Variants in SLC24A2 observed in about 807,000 individuals in gnomAD.
SLC24A2 encodes the protein sodium/potassium/calcium exchanger 2.
In SLC24A2, 36 loss-of-function variants were observed where a neutral mutation model predicts 62.0. The observed-to-expected ratio is 0.58, with a 90% confidence interval of 0.44 to 0.77. The LOEUF (loss-of-function observed/expected upper bound fraction) is 0.77. Among genes scored for constraint, SLC24A2 ranks in the 30% least tolerant of loss-of-function variants. The pLI is 0.00. For synonymous variants in SLC24A2, 358 were observed against 294.0 expected (o/e 1.22, Z -2.23); for missense variants, 846 against 817.9 (o/e 1.03, Z -0.42).
chr9:20,084,147 CACTT>C, the SLC24A2 span, among the ~76,000 whole-genome samples: 1 of 152,222 alleles, frequency 6.6e-6, no homozygotes, highest in Non-Finnish European at 1.5e-5. Flanking sequence ...GCCTGTAACT[CACTT>C]AAAGAAAATA....
chr9:19,844,863 C>G, the SLC24A2 span, among the ~76,000 whole-genome samples: 4 of 151,830 alleles, frequency 2.6e-5, no homozygotes, highest in African/African-American at 4.8e-5. Flanking sequence ...CTTTTCTGTT[C>G]CATTGGTCTA....
At chr9:19,997,813 AAATAGT>A in the SLC24A2 span, among the ~76,000 whole-genome samples, 2 of 152,200 alleles carry the variant, frequency 1.3e-5, no homozygotes, top group Admixed American at 6.5e-5. Flanking sequence ...GTATTTGGAT[AAATAGT>A]TAATTTGCCT....
intron 2 of SLC24A2, among the ~76,000 whole-genome samples, chr9:19,726,845 C>T (rs534693000): frequency 1.6e-4 from 25 of 152,326 alleles, no homozygotes; most frequent in African/African-American, 6.0e-4. Context: ...TTTTCTTTTA[C>T]ACCAACGGAG....
At chr9:19,562,261 CATCTT>C (rs752683923) in intron 7 of SLC24A2, among the ~76,000 whole-genome samples, 5 of 152,154 alleles carry the variant, frequency 3.3e-5, no homozygotes, top group African/African-American at 1.2e-4. Flanking sequence ...AAAATCATTT[CATCTT>C]ATCAACTGGA....
the SLC24A2 span, among the ~76,000 whole-genome samples, chr9:20,226,720 C>T: frequency 6.6e-6 from 1 of 152,048 alleles, no homozygotes; most frequent in East Asian, 1.9e-4. Context: ...CTAGTGGGCA[C>T]ATTCTTCCAT....
intron 2 of SLC24A2, among the ~76,000 whole-genome samples, chr9:19,660,616 T>C (rs1819067845): frequency 1.3e-5 from 2 of 152,210 alleles, no homozygotes; most frequent in Non-Finnish European, 2.9e-5. Flanking sequence ...CGTGCTTTCC[T>C]GTGCAGTAAC....
At chr9:20,285,113 T>G in the SLC24A2 span, among the ~76,000 whole-genome samples, 181 of 152,250 alleles carry the variant, frequency 1.2e-3, no homozygotes, top group South Asian at 0.012. Flanking sequence ...CACGTCATAT[T>G]CATGTGAGGA....
chr9:19,533,962 G>A (rs557125109), intron 8 of SLC24A2, among the ~76,000 whole-genome samples: 2 of 152,268 alleles, frequency 1.3e-5, no homozygotes, highest in East Asian at 3.9e-4. Flanking sequence ...AATAAACTGG[G>A]ACCGTCCTGG....
intron 9 of SLC24A2, among the ~76,000 whole-genome samples, chr9:19,523,401 A>T (rs1833289152): frequency 6.6e-6 from 1 of 152,198 alleles, no homozygotes; most frequent in South Asian, 2.1e-4. Flanking sequence ...GTGAGATGCA[A>T]ATCATACAGC....
At chr9:19,757,215 G>C (rs1377576361) in intron 2 of SLC24A2, among the ~76,000 whole-genome samples, 1 of 152,000 alleles carries the variant, frequency 6.6e-6, no homozygotes, top group Non-Finnish European at 1.5e-5. Flanking sequence ...CGTTTCATTT[G>C]TCTCTGTACC....
chr9:19,560,316 T>C (rs1835327772), intron 7 of SLC24A2, among the ~76,000 whole-genome samples: 1 of 114,270 alleles, frequency 8.8e-6, no homozygotes, highest in South Asian at 3.5e-4. Context: ...CCACCCCCAA[T>C]TCATATTCCC....
At chr9:20,231,137 C>G in the SLC24A2 span, among the ~76,000 whole-genome samples, 1 of 152,230 alleles carries the variant, frequency 6.6e-6, no homozygotes, top group South Asian at 2.1e-4. Context: ...GTTACTGTAG[C>G]CTTGTAGTAT....
the SLC24A2 span, among the ~76,000 whole-genome samples, chr9:19,986,651 G>A: frequency 1.3e-5 from 2 of 152,078 alleles, no homozygotes; most frequent in Non-Finnish European, 2.9e-5. Flanking sequence ...GTATGAAGGA[G>A]CCTAGAAAAC....
the SLC24A2 span, among the ~76,000 whole-genome samples, chr9:19,892,527 C>G: frequency 2.0e-5 from 3 of 152,178 alleles, no homozygotes; most frequent in African/African-American, 7.2e-5. Flanking sequence ...ATTCAACCAA[C>G]AAATGTAATT....
chr9:19,856,545 A>G, the SLC24A2 span, among the ~76,000 whole-genome samples: 2 of 151,984 alleles, frequency 1.3e-5, no homozygotes, highest in African/African-American at 4.8e-5. Flanking sequence ...ACCCTCTTCC[A>G]TAGGGTTTCT....
chr9:20,095,229 T>C, the SLC24A2 span, among the ~76,000 whole-genome samples: 2 of 152,232 alleles, frequency 1.3e-5, no homozygotes, highest in African/African-American at 2.4e-5. Flanking sequence ...ACACATATTT[T>C]CCTAAATTCT....
the SLC24A2 span, among the ~76,000 whole-genome samples, chr9:20,113,889 A>G: frequency 7.0e-4 from 107 of 152,326 alleles, 3 homozygotes; most frequent in South Asian, 0.011. Flanking sequence ...AGAAAAAAAT[A>G]TAAAACAATA....
chr9:20,270,557 G>C, the SLC24A2 span, among the ~76,000 whole-genome samples: 2 of 152,134 alleles, frequency 1.3e-5, no homozygotes, highest in African/African-American at 2.4e-5. Context: ...CTCCCTGAAG[G>C]TGATTTAGCA....
chr9:19,737,195 C>A (rs949581512), intron 2 of SLC24A2, among the ~76,000 whole-genome samples: 3 of 152,108 alleles, frequency 2.0e-5, no homozygotes, highest in Non-Finnish European at 4.4e-5. Flanking sequence ...AGATAGAGGT[C>A]CACATTCTAC....
Sources: allele counts gnomAD v4.1 joint callset (sites outside exome capture counted in the v4.1 genomes callset), GRCh38; gene constraint gnomAD v4.1.1; transcripts MANE v1.5; gene names NCBI Gene and HGNC (gene_info 2026-07-23, HGNC 2026-07-21).